SAP130: variants seen among roughly 807,000 people sequenced by gnomAD.
The protein encoded by SAP130 is Sin3A associated protein 130.
A neutral mutation model predicts 103.2 loss-of-function variants in SAP130; 16 were observed. The observed-to-expected ratio is 0.16, with a 90% CI of 0.10 to 0.24. The LOEUF is 0.24. Among genes scored for constraint, SAP130 ranks in the 10% least tolerant of loss-of-function variants. The pLI is 1.00. For synonymous variants in SAP130, 477 were observed against 497.0 expected (o/e 0.96, Z 0.53); for missense variants, 990 against 1,359.7 (o/e 0.73, Z 4.28).
chr2:128,011,886 C>T (rs1684422589), intron 6 of SAP130, among the ~76,000 whole-genome samples: 1 of 152,188 alleles, frequency 6.6e-6, no homozygotes, highest in South Asian at 2.1e-4. Flanking sequence ...GATCTTGGCT[C>T]ACTGCAACCT....
Position 128,020,543 on chromosome 2 carries a change from C to T in SAP130, c.113-2628G>A, listed in dbSNP as rs544046711. 1.2e-4 allele frequency among the ~76,000 whole-genome samples: 19 copies of T among 152,296 alleles called. No homozygotes were observed. In the East Asian group the frequency reaches 1.5e-3, roughly 12 times the overall value. On this transcript the variant is annotated intron_variant, in intron 2 of 20. Coordinates refer to ENST00000643581, the MANE Select transcript of SAP130 (RefSeq NM_001330301.2). Reference sequence around the variant, plus strand: ...GACACACGAGTAACGTACAAATTATCCATTTTACTCTTAAGAGGCACTTTA... The same window carrying T: ...GACACACGAGTAACGTACAAATTATTCATTTTACTCTTAAGAGGCACTTTA...
rs879920789 is a variant in SAP130 at position 127,983,823 on chromosome 2, G to GTT, written c.1958+2960_1958+2961dup. Among the ~76,000 whole-genome samples, 481 of 79,280 alleles carry GTT rather than the reference G, an allele frequency of 6.1e-3. 8 individuals are homozygous for GTT. Among genetic ancestry groups the GTT allele is most frequent in the Middle Eastern group, 0.019 (2 of 108 alleles). The allele number at this position is 79,280 out of a possible 152,430, so 52.0% of individuals were successfully genotyped here. On this transcript the variant is annotated intron_variant, in intron 14 of 20. Transcript: ENST00000643581. The stretch of plus-strand genomic sequence containing the variant: ...TTTGGTAATTTTCTATTACTTTGTT[G>GTT]TTTTTTTTTTTTTTTTTTTTTTTAA...
chr2:128,010,156 T>TAC, intron 7 of SAP130, 113 bp downstream of exon 7: 1 of 1,158,716 alleles, frequency 8.6e-7, no homozygotes, highest in Non-Finnish European at 1.2e-6. Context: ...CATAGCTCAT[T>TAC]ATAAAAAAAA....
Position 127,950,316 on chromosome 2 carries a change from C to A in SAP130, c.2515G>T (p.Ala839Ser). 3 of 1,614,194 alleles carry A rather than the reference C, an allele frequency of 1.9e-6. No individual in the cohort carries two copies. The highest frequency in any genetic ancestry group is 2.5e-6 in the Non-Finnish European group (3 of 1,180,036). Reference sequence around the variant, plus strand: ...TTTCGAGGCTTTTTCCTTGGGGAGGCACCAGGTGGTAGGTCACTTGTAGGC... The same window carrying A: ...TTTCGAGGCTTTTTCCTTGGGGAGGAACCAGGTGGTAGGTCACTTGTAGGC... ...SMPTSDLPPG[A>S]SPRKKPRKQQ... Residue 839 changes from alanine (A) to serine (S), a missense_variant, in exon 17 of 21, where the codon GCC becomes TCC. Ala to Ser is a moderately conservative substitution (Grantham distance 99). Around this residue, in one of 6 missense-constraint regions of SAP130, gnomAD observed 349 missense variants for 384.1 expected, o/e 0.91. Transcript: ENST00000643581.
chr2:127,973,432 A>G (rs1380746876), intron 15 of SAP130, among the ~76,000 whole-genome samples: 2 of 152,062 alleles, frequency 1.3e-5, no homozygotes, highest in East Asian at 1.9e-4. Flanking sequence ...GGGTTTCTCC[A>G]TGTTGGTCAG....
At chr2:128,004,166 T>C (rs1377858591) in intron 7 of SAP130, among the ~76,000 whole-genome samples, 1 of 151,568 alleles carries the variant, frequency 6.6e-6, no homozygotes, top group Non-Finnish European at 1.5e-5. Flanking sequence ...AGACTGCCAG[T>C]GTGGTATTTT....
chr2:127,978,195 C>A, intron 14 of SAP130, 106 bp from the exon 15 acceptor site: 1 of 739,612 alleles, frequency 1.4e-6, no homozygotes, highest in South Asian at 1.6e-5. Context: ...AAAATAAAGC[C>A]CTACATTGAC....
At chr2:127,978,623 T>C (rs781298214) in intron 14 of SAP130, among the ~76,000 whole-genome samples, 15 of 152,166 alleles carry the variant, frequency 9.9e-5, no homozygotes, top group Admixed American at 2.6e-4. Context: ...ATGTTTAGTT[T>C]TGACAGAGTG....
In SAP130 at chr2:127,989,703, C is replaced by T. The variant is rs763658229; in HGVS notation, c.1641G>A (p.Pro547=). Reference sequence around the variant, plus strand: ...GTATCCCTGGGGTCCCAATGGGGGCCGGCTGGATACCCTGGGTACTGATGG... The same window carrying T: ...GTATCCCTGGGGTCCCAATGGGGGCTGGCTGGATACCCTGGGTACTGATGG... The part of the protein sequence containing the change: ...PAPISTQGIQ[P]APIGTPGIQP... The change falls in exon 13 of 21, where the codon CCG becomes CCA. Residue 547 remains proline (P), a synonymous_variant. Transcript: ENST00000643581. This position sits in a 1 kb window ranked among gnomAD's most constrained non-coding sequence, Gnocchi z 4.6. 13 of 1,614,060 alleles carry T rather than the reference C, an allele frequency of 8.1e-6. No individual in the cohort carries two copies. Among genetic ancestry groups the T allele is most frequent in the Middle Eastern group, 3.3e-4 (2 of 6,062 alleles).
At position 128,027,337 on chromosome 2, in the gene SAP130, C is replaced by A. The variant is rs1450515473; in HGVS notation, c.-7+603G>T. The A allele has an allele frequency of 7.8e-6, 9 of 1,154,772 alleles. No individual in the cohort carries two copies. The East Asian group carries it at 3.8e-4, about 48-fold the overall frequency. 71.5% of individuals were successfully genotyped at this position (1,154,772 alleles called of 1,614,324 possible). A position where few individuals can be genotyped will look rare whatever the true frequency, so the allele number is the denominator to read the frequency against. On this transcript the variant is annotated intron_variant, in intron 1 of 20. Transcript: ENST00000643581. ...TGCCTCCCCCGCCCGCCCATTGGCCCCACGCCCGACGCGTCAGTGGAGGCC... is the reference window on the plus strand; with the variant it reads ...TGCCTCCCCCGCCCGCCCATTGGCCACACGCCCGACGCGTCAGTGGAGGCC...
At chr2:128,005,184 A>G (rs1216378769) in intron 7 of SAP130, among the ~76,000 whole-genome samples, 1 of 152,222 alleles carries the variant, frequency 6.6e-6, no homozygotes, top group Non-Finnish European at 1.5e-5. Context: ...TCCAGAGAGA[A>G]ACAGAAGGCA....
intron 15 of SAP130, among the ~76,000 whole-genome samples, chr2:127,971,442 C>T (rs1462960808): frequency 7.2e-5 from 11 of 152,134 alleles, no homozygotes; most frequent in African/African-American, 1.7e-4. Flanking sequence ...CCCGCCACCA[C>T]GCCTGGCTAA....
At position 127,947,764 on chromosome 2, in the gene SAP130, C is replaced by CTGTGTGTGAGTGTGTGTGTG. The variant is rs1553500425; in HGVS notation, c.2797+2104_2797+2105insCACACACACACTCACACACA. Among the ~76,000 whole-genome samples, 5 of 143,310 alleles carry CTGTGTGTGAGTGTGTGTGTG rather than the reference C, an allele frequency of 3.5e-5. No homozygotes were observed. The South Asian group carries it at 9.0e-4, about 26-fold the overall frequency. The allele number at this position is 143,310 out of a possible 152,430, so 94.0% of individuals were successfully genotyped here. A position where few individuals can be genotyped will look rare whatever the true frequency, so the allele number is the denominator to read the frequency against. ...TGAATTAATTTTGTATTGTGTGTGTCTGTGTGTGTGTGTGTGTGTGTGTGT... is the reference window on the plus strand; with the variant it reads ...TGAATTAATTTTGTATTGTGTGTGTCTGTGTGTGAGTGTGTGTGTGTGTGTGTGTGTGTGTGTGTGTGTGT... On this transcript the variant is annotated intron_variant, in intron 18 of 20. Coordinates refer to ENST00000643581, the MANE Select transcript of SAP130 (RefSeq NM_001330301.2).
chr2:127,991,851 G>T (rs759517631), intron 12 of SAP130, among the ~76,000 whole-genome samples: 1 of 152,172 alleles, frequency 6.6e-6, no homozygotes, highest in African/African-American at 2.4e-5. Context: ...ATTAACAATC[G>T]AGTTTTTCAT....
rs190030373 is a variant in SAP130 at position 127,976,722 on chromosome 2, C to T, written c.2063+1263G>A. Among the ~76,000 whole-genome samples the T allele has an allele frequency of 4.2e-3, 646 of 152,234 alleles. 18 individuals are homozygous for T. The highest frequency in any genetic ancestry group is 9.3e-4 in the Non-Finnish European group (63 of 68,024). ...GTCAAGTGATAGAGACCATCCTGGC[C>T]AACATGGTGAAACTCCGTCTCTACT... On this transcript the variant is annotated intron_variant, in intron 15 of 20. Transcript: ENST00000643581.
chr2:127,949,282 T>A (rs547297043), intron 18 of SAP130, among the ~76,000 whole-genome samples: 1 of 152,180 alleles, frequency 6.6e-6, no homozygotes, highest in Non-Finnish European at 1.5e-5. Flanking sequence ...GCACTTAAAG[T>A]CCATCCGTAG....
intron 15 of SAP130, among the ~76,000 whole-genome samples, chr2:127,977,230 A>T (rs2438024): frequency 0.94 from 142,586 of 151,864 alleles, 67,335 homozygotes; most frequent in East Asian, 1. Flanking sequence ...TGGTTCATGC[A>T]TATAATCCCA....
In SAP130 at chr2:127,956,364, T is replaced by A. The variant is rs149211120; in HGVS notation, c.2064-1020A>T. Among the ~76,000 whole-genome samples the A allele has an allele frequency of 3.3e-5, 5 of 152,354 alleles. No homozygotes were observed. The East Asian group carries it at 9.6e-4, about 29-fold the overall frequency. ...AAGTGTTTTCCTGAGTTCTGTGTGC[T>A]GTTCTAGCAAATTAATCAAACTTAT... On this transcript the variant is annotated intron_variant, in intron 15 of 20. Coordinates refer to ENST00000643581, the MANE Select transcript of SAP130 (RefSeq NM_001330301.2).
At position 127,993,284 on chromosome 2, in the gene SAP130, T is replaced by C. The variant is rs752896726; in HGVS notation, c.1380A>G (p.Gln460=). The C allele has an allele frequency of 2.0e-5, 32 of 1,613,738 alleles. No homozygotes were observed. Among genetic ancestry groups the C allele is most frequent in the Non-Finnish European group, 2.6e-5 (31 of 1,179,894 alleles). Reference sequence around the variant, plus strand: ...AAGGGGGGTAAGTTGGCAAAAAATATTGGAACTGAACGGGAACAGACGGTC... The same window carrying C: ...AAGGGGGGTAAGTTGGCAAAAAATACTGGAACTGAACGGGAACAGACGGTC... ...DNRPSVPVQF[Q]YFLPTYPPSA... is the part of the protein sequence containing the mutation. The change falls in exon 12 of 21, where the codon CAA becomes CAG. Residue 460 remains glutamine (Q), a synonymous_variant. Coordinates refer to ENST00000643581, the MANE Select transcript of SAP130 (RefSeq NM_001330301.2).
Sources: allele counts gnomAD v4.1 joint callset (sites outside exome capture counted in the v4.1 genomes callset), GRCh38; gene constraint gnomAD v4.1.1; regional missense constraint gnomAD v4.1.1; non-coding constraint Gnocchi (gnomAD v3.1); transcripts MANE v1.5; gene names NCBI Gene and HGNC (gene_info 2026-07-23, HGNC 2026-07-21).